The following ATRX variants were observed in gnomAD, a reference collection of about 807,000 sequenced individuals.
ATRX encodes chromatin remodeler ATRX.
A neutral mutation model predicts 172.6 loss-of-function variants in ATRX; 12 were observed. That is an observed-to-expected ratio of 0.07 (90% CI 0.04 to 0.11). The LOEUF (loss-of-function observed/expected upper bound fraction) is 0.11, where lower values mean the gene tolerates loss of function less well. ATRX is among the 10% of genes least tolerant of loss of function. ATRX has a pLI of 1.00. For missense variants in ATRX, 1,368 were observed against 1,767.4 expected (o/e 0.77, Z 4.05); for synonymous variants, 674 against 594.7 (o/e 1.13, Z -1.94).
At chrX:77,602,206 G>A (rs1038839609) in intron 22 of ATRX, among the ~76,000 whole-genome samples, 4 of 110,733 alleles carry the variant, frequency 3.6e-5, no homozygotes, top group East Asian at 2.8e-4. Flanking sequence ...ACAGGGTCTC[G>A]CTTTGTTGAC....
intron 30 of ATRX, among the ~76,000 whole-genome samples, chrX:77,548,284 G>A (rs1463861848): frequency 9.0e-6 from 1 of 111,283 alleles, no homozygotes; most frequent in East Asian, 2.8e-4. Flanking sequence ...TTTTTCTGAT[G>A]CCCGTTATTT....
At chrX:77,734,237 A>G (rs1363786613) in intron 1 of ATRX, among the ~76,000 whole-genome samples, 2 of 106,680 alleles carry the variant, frequency 1.9e-5, no homozygotes, top group Non-Finnish European at 3.9e-5. Context: ...ACATACATAC[A>G]TACATACATA....
intron 1 of ATRX, among the ~76,000 whole-genome samples, chrX:77,783,882 G>C (rs1445242331): frequency 8.9e-6 from 1 of 111,799 alleles, no homozygotes; most frequent in Middle Eastern, 4.2e-3. Flanking sequence ...CTTTACTAGA[G>C]GTTTTTCATG....
At chrX:77,567,305 T>A (rs782082205) in intron 28 of ATRX, among the ~76,000 whole-genome samples, 1 of 110,900 alleles carries the variant, frequency 9.0e-6, no homozygotes, top group Non-Finnish European at 1.9e-5. Context: ...AAAGAAAAAT[T>A]AAGTGGATAA....
chrX:77,698,367 G>T (rs1468806113), intron 3 of ATRX, among the ~76,000 whole-genome samples: 1 of 111,688 alleles, frequency 9.0e-6, no homozygotes, highest in Admixed American at 9.5e-5. Flanking sequence ...TCAGTTGTCT[G>T]ACTTTAGGTA....
chrX:77,605,486 G>T (rs1304561258), intron 22 of ATRX, among the ~76,000 whole-genome samples: 1 of 109,765 alleles, frequency 9.1e-6, no homozygotes, highest in Non-Finnish European at 1.9e-5. Flanking sequence ...GAAATAAGTA[G>T]TAATAAAAAA....
intron 30 of ATRX, among the ~76,000 whole-genome samples, chrX:77,538,230 AACACACACACACACACACAC>A (rs34675782): frequency 1.0e-5 from 1 of 95,992 alleles, no homozygotes; most frequent in Non-Finnish European, 2.1e-5. Context: ...TACACACACA[AACACACACACACACACACAC>A]ACACACACAC....
chrX:77,660,590 TAAA>T (rs1481234737), intron 12 of ATRX, among the ~76,000 whole-genome samples: 4 of 107,782 alleles, frequency 3.7e-5, no homozygotes, highest in African/African-American at 1.3e-4. Context: ...AAATAAATAA[TAAA>T]AATAAAAAAA....
chrX:77,737,435 A>AAAGG (rs1469081981), intron 1 of ATRX, among the ~76,000 whole-genome samples: 1 of 39,175 alleles, frequency 2.6e-5, no homozygotes, highest in Admixed American at 3.8e-4. Flanking sequence ...AAAAAAAAAA[A>AAAGG]GGGGGGGGGG....
At chrX:77,565,152 C>T (rs1237369701) in intron 28 of ATRX, among the ~76,000 whole-genome samples, 1 of 111,849 alleles carries the variant, frequency 8.9e-6, no homozygotes, top group African/African-American at 3.2e-5. Context: ...GAGCCTCTGT[C>T]CCCCCACCCA....
intron 17 of ATRX, 125 bp from the exon 18 acceptor site, chrX:77,633,837 G>A (rs953194039): frequency 6.7e-5 from 48 of 715,023 alleles, no homozygotes; most frequent in Non-Finnish European, 9.0e-5. Flanking sequence ...TCCAAACCAG[G>A]CAAGGCACAG....
chrX:77,596,032 G>C (rs2066454010), intron 25 of ATRX: 1 of 111,723 alleles, frequency 9.0e-6, no homozygotes, highest in Non-Finnish European at 1.9e-5. Context: ...CAGAAATGGG[G>C]ATGATGTAAG....
chrX:77,635,780 C>G, intron 16 of ATRX, 135 bp downstream of exon 16: 1 of 527,144 alleles, frequency 1.9e-6, no homozygotes, highest in East Asian at 3.7e-5. Flanking sequence ...TCCATAAAGG[C>G]AGGGGAATTG....
chrX:77,738,271 G>A (rs1295223409), intron 1 of ATRX, among the ~76,000 whole-genome samples: 1 of 106,473 alleles, frequency 9.4e-6, no homozygotes, highest in Non-Finnish European at 1.9e-5. Context: ...GGAAGTCAAG[G>A]CTACAGTGAG....
At chrX:77,516,085 C>T (rs1348204551) in intron 34 of ATRX, among the ~76,000 whole-genome samples, 3 of 111,198 alleles carry the variant, frequency 2.7e-5, no homozygotes, top group Non-Finnish European at 1.9e-5. Context: ...AGGTTGGAGG[C>T]TGAGAGGAGG....
At chrX:77,739,381 T>A (rs1475308172) in intron 1 of ATRX, among the ~76,000 whole-genome samples, 4 of 108,221 alleles carry the variant, frequency 3.7e-5, no homozygotes, top group Non-Finnish European at 7.6e-5. Context: ...ATATACATAA[T>A]CAGATATATA....
intron 34 of ATRX, among the ~76,000 whole-genome samples, chrX:77,511,860 T>C (rs1465595830): frequency 1.8e-5 from 2 of 111,526 alleles, no homozygotes; most frequent in Non-Finnish European, 3.8e-5. Context: ...TAAGAGTTAT[T>C]GGCCTTAAAG....
At chrX:77,565,720 G>A (rs1557064196) in intron 28 of ATRX, among the ~76,000 whole-genome samples, 2 of 110,915 alleles carry the variant, frequency 1.8e-5, no homozygotes, top group African/African-American at 6.6e-5. Context: ...GCTGGGTGTG[G>A]TGGTGCATGC....
At chrX:77,624,956 CA>C (rs1427237990) in intron 19 of ATRX, among the ~76,000 whole-genome samples, 2 of 111,679 alleles carry the variant, frequency 1.8e-5, no homozygotes, top group African/African-American at 6.5e-5. Flanking sequence ...GCAAAAAGAA[CA>C]AATCTGGAGG....
Sources: gnomAD v4.1 joint callset for allele counts (sites outside exome capture counted in the v4.1 genomes callset) on GRCh38, gnomAD v4.1.1 for gene constraint, MANE v1.5 for transcripts, NCBI Gene and HGNC (gene_info 2026-07-23, HGNC 2026-07-21) for gene names.